EDARADD: variants seen among roughly 807,000 people sequenced by gnomAD.
EDARADD encodes ectodysplasin-A receptor-associated adapter protein.
Under a neutral mutation model 25.6 loss-of-function variants are expected in EDARADD, and 20 were observed. The ratio of observed to expected loss-of-function variants is 0.78; its 90% CI spans 0.55 to 1.14. The LOEUF is 1.14. Among genes scored for constraint, EDARADD ranks in the 50% most tolerant of loss-of-function variants. EDARADD has a pLI of 0.00. For missense variants in EDARADD, 225 were observed against 270.1 expected, an observed-to-expected ratio of 0.83 and a Z score of 1.17; for synonymous variants, 86 against 94.4, an observed-to-expected ratio of 0.91 and a Z score of 0.52.
At chr1:236,348,361 T>C (rs1177329758) in intron 1 of EDARADD, 1 of 152,362 alleles carries the variant, frequency 6.6e-6, no homozygotes, top group Non-Finnish European at 1.5e-5. Context: ...CTCCGCCTCC[T>C]TGGGGCTGGA....
chr1:236,384,223 C>T (rs997316880), intron 3 of EDARADD, among the ~76,000 whole-genome samples: 8 of 152,134 alleles, frequency 5.3e-5, no homozygotes, highest in South Asian at 2.1e-4. Flanking sequence ...GAAAATACAT[C>T]GGTCAAATTC....
chr1:236,384,940 A>ATTTAAAAAAT (rs1667335144), intron 3 of EDARADD, among the ~76,000 whole-genome samples: 2 of 151,990 alleles, frequency 1.3e-5, no homozygotes. Context: ...TTGGATACTC[A>ATTTAAAAAAT]CCTTTGTTAT....
chr1:236,361,045 CAA>C (rs940768729), intron 3 of EDARADD, among the ~76,000 whole-genome samples: 16 of 151,924 alleles, frequency 1.1e-4, no homozygotes, highest in African/African-American at 3.6e-4. Flanking sequence ...AAAACAAAAA[CAA>C]AAACAAACGA....
At chr1:236,352,091 C>T (rs568993704) in intron 3 of EDARADD, among the ~76,000 whole-genome samples, 6 of 152,116 alleles carry the variant, frequency 3.9e-5, no homozygotes, top group Non-Finnish European at 5.9e-5. Context: ...GGCCCACACC[C>T]TGGTTTTTTC....
At chr1:236,410,194 C>G (rs188807563) in intron 2 of EDARADD, among the ~76,000 whole-genome samples, 16 of 152,170 alleles carry the variant, frequency 1.1e-4, no homozygotes, top group African/African-American at 3.9e-4. Flanking sequence ...CCATCACCCA[C>G]ATAGTGAACG....
At chr1:236,477,029 C>A (rs893521358) in intron 5 of EDARADD, among the ~76,000 whole-genome samples, 10 of 134,626 alleles carry the variant, frequency 7.4e-5, no homozygotes, top group African/African-American at 3.0e-4. Flanking sequence ...ACAATAATTA[C>A]AGAAAATTGA....
rs528834772 is a variant in EDARADD at position 236,401,188 on chromosome 1, A to T, written c.61+6683A>T. ...GCGACAGAACAAGACTGTCTCAAAT[A>T]AAAAAAAAAAAGCTATGGTACAAAA... On this transcript the variant is annotated intron_variant, in intron 1 of 5. Coordinates refer to ENST00000334232, the MANE Select transcript of EDARADD (RefSeq NM_145861.4). 3.2e-3 allele frequency among the ~76,000 whole-genome samples: 452 copies of T among 139,466 alleles called. 3 individuals carry two copies. Among genetic ancestry groups the T allele is most frequent in the Non-Finnish European group, 4.5e-3 (293 of 65,050 alleles). The allele number at this position is 139,466 out of a possible 152,430, so 91.5% of individuals were successfully genotyped here.
chr1:236,418,014 T>C (rs1571922552), intron 3 of EDARADD, among the ~76,000 whole-genome samples: 1 of 150,070 alleles, frequency 6.7e-6, no homozygotes, highest in Non-Finnish European at 1.5e-5. Flanking sequence ...AGTGCAGTGG[T>C]GCGATCTCGG....
chr1:236,467,045 G>T (rs1057011698), intron 4 of EDARADD, among the ~76,000 whole-genome samples: 1 of 150,976 alleles, frequency 6.6e-6, no homozygotes, highest in African/African-American at 2.4e-5. Context: ...CAGCCTGGGC[G>T]ACAGAGCAAG....
At chr1:236,425,729 C>A (rs539348965) in intron 3 of EDARADD, among the ~76,000 whole-genome samples, 1 of 152,334 alleles carries the variant, frequency 6.6e-6, no homozygotes, top group South Asian at 2.1e-4. Context: ...GGGGTCCAGT[C>A]AGTTCACAAC....
chr1:236,445,943 A>G (rs1295712915), intron 4 of EDARADD, among the ~76,000 whole-genome samples: 1 of 152,190 alleles, frequency 6.6e-6, no homozygotes, highest in African/African-American at 2.4e-5. Flanking sequence ...GTGAGCACCC[A>G]TACACAAAGA....
chr1:236,379,164 G>C (rs1164638385), intron 3 of EDARADD, among the ~76,000 whole-genome samples: 3 of 152,278 alleles, frequency 2.0e-5, no homozygotes, highest in African/African-American at 7.2e-5. Context: ...GAGGTCAGGA[G>C]TTCGAGACCA....
chr1:236,378,579 T>C (rs181358124), intron 3 of EDARADD, among the ~76,000 whole-genome samples: 14 of 152,318 alleles, frequency 9.2e-5, no homozygotes, highest in Non-Finnish European at 1.8e-4. Context: ...TTTTTCAGTG[T>C]GTGGAGCTTT....
rs149269444 is a variant in EDARADD, at chr1:236,405,660, A to G, written c.62-3556A>G. 6.2e-3 allele frequency among the ~76,000 whole-genome samples: 683 copies of G among 109,356 alleles called. 3 individuals carry two copies. The highest frequency in any genetic ancestry group is 0.016 in the Middle Eastern group (4 of 246). The allele number at this position is 109,356 out of a possible 152,430, so 71.7% of individuals were successfully genotyped here. ...TTTAACTGTCCTGTGTGTGTCCTCA[A>G]TGATGCTTTTTTTGTGGCTCTGCCT... On this transcript the variant is annotated intron_variant, in intron 1 of 5. Transcript: ENST00000334232.
chr1:236,391,048 G>A (rs989056618), upstream of EDARADD, among the ~76,000 whole-genome samples: 54 of 152,008 alleles, frequency 3.6e-4, 1 homozygote, highest in African/African-American at 1.2e-3. Flanking sequence ...CTGGGTTTAA[G>A]TGATTCTCCC....
At chr1:236,413,641 T>G (rs955452468) in intron 2 of EDARADD, among the ~76,000 whole-genome samples, 5 of 152,222 alleles carry the variant, frequency 3.3e-5, no homozygotes, top group African/African-American at 1.2e-4. Context: ...GATATCGGCA[T>G]GTAAGTATGA....
intron 1 of EDARADD, among the ~76,000 whole-genome samples, chr1:236,401,298 C>T (rs1466563086): frequency 6.6e-6 from 1 of 152,212 alleles, no homozygotes; most frequent in Admixed American, 6.5e-5. Flanking sequence ...CTAGAAAGCA[C>T]AGTGACTGCA....
chr1:236,435,371 G>T (rs1658218392), intron 4 of EDARADD, among the ~76,000 whole-genome samples: 1 of 152,194 alleles, frequency 6.6e-6, no homozygotes, highest in Non-Finnish European at 1.5e-5. Context: ...CATTGATTAG[G>T]CTATGCCCCT....
At chr1:236,405,874 C>CTTCCTTCCTTTTCTTTCTTTCT (rs56931070) in intron 1 of EDARADD, among the ~76,000 whole-genome samples, 2 of 30,874 alleles carry the variant, frequency 6.5e-5, no homozygotes, top group African/African-American at 2.3e-4. Flanking sequence ...TCCTTCCTTC[C>CTTCCTTCCTTTTCTTTCTTTCT]TTCTTTCTTT....
Sources: gnomAD v4.1 joint callset for allele counts (sites outside exome capture counted in the v4.1 genomes callset) on GRCh38, gnomAD v4.1.1 for gene constraint, MANE v1.5 for transcripts, NCBI Gene and HGNC (gene_info 2026-07-23, HGNC 2026-07-21) for gene names.